The following ADAMTS14 variants were observed in gnomAD, a reference collection of about 807,000 sequenced individuals.
ADAMTS14 encodes ADAM metallopeptidase with thrombospondin type 1 motif 14.
In ADAMTS14, 100 loss-of-function variants were observed where a neutral mutation model predicts 128.6. The observed-to-expected ratio is 0.78, with a 90% confidence interval of 0.66 to 0.92. The LOEUF is 0.92. ADAMTS14 is among the 40% of genes least tolerant of loss of function. The pLI is 0.00. For missense variants in ADAMTS14, 1,562 were observed against 1,658.6 expected, an observed-to-expected ratio of 0.94 and a Z score of 1.01; for synonymous variants, 665 against 653.8, an observed-to-expected ratio of 1.02 and a Z score of -0.26.
At chr10:70,728,316 G>A (rs75958476) in intron 4 of ADAMTS14, among the ~76,000 whole-genome samples, 1,559 of 152,358 alleles carry the variant, frequency 0.01, 11 homozygotes, top group Non-Finnish European at 0.018. Flanking sequence ...GTGGCATGAT[G>A]CAGGTTAACT....
intron 3 of ADAMTS14, among the ~76,000 whole-genome samples, chr10:70,703,104 C>T (rs1840546231): frequency 6.6e-6 from 1 of 152,210 alleles, no homozygotes; most frequent in African/African-American, 2.4e-5. Context: ...TAAATGGCAG[C>T]TCTCCTTACA....
chr10:70,756,124 C>CAGTATGA (rs1368486484), intron 19 of ADAMTS14, among the ~76,000 whole-genome samples: 2 of 152,144 alleles, frequency 1.3e-5, no homozygotes, highest in Non-Finnish European at 2.9e-5. Flanking sequence ...AAAAGTACTT[C>CAGTATGA]AGTATGAAGT....
chr10:70,742,751 C>CT (rs1842040726), intron 12 of ADAMTS14, among the ~76,000 whole-genome samples: 1 of 152,300 alleles, frequency 6.6e-6, no homozygotes, highest in African/African-American at 2.4e-5. Context: ...CCCCAACTTC[C>CT]TTTTTTCTAA....
chr10:70,757,862 C>G (rs1427183435), intron 19 of ADAMTS14, 100 bp from the exon 20 acceptor site: 3 of 1,486,138 alleles, frequency 2.0e-6, no homozygotes, highest in East Asian at 4.6e-5. Context: ...CCTTTCTGTC[C>G]CCGGGCACTG....
rs1306324793 is a variant in ADAMTS14, at chr10:70,688,989, C to T, written c.523-13323C>T. 1.1e-4 allele frequency among the ~76,000 whole-genome samples: 12 copies of T among 105,968 alleles called. 2 individuals carry two copies. Among genetic ancestry groups the T allele is most frequent in the Admixed American group, 1.9e-4 (2 of 10,784 alleles). 69.5% of individuals were successfully genotyped at this position (105,968 alleles called of 152,430 possible). ...GCCACTTTCCCCTCCAAGCCACTCCCGTCCCCCAGGCAGAGGTTCACATCC... is the reference window on the plus strand; with the variant it reads ...GCCACTTTCCCCTCCAAGCCACTCCTGTCCCCCAGGCAGAGGTTCACATCC... On this transcript the variant is annotated intron_variant, in intron 2 of 21. Coordinates refer to ENST00000373207, the MANE Select transcript of ADAMTS14 (RefSeq NM_080722.4).
At chr10:70,734,134 C>G in intron 8 of ADAMTS14, 106 bp downstream of exon 8, 1 of 1,447,764 alleles carries the variant, frequency 6.9e-7, no homozygotes, top group Non-Finnish European at 9.3e-7. Context: ...CCTGGCTTGA[C>G]TCTTCCGTGA....
At chr10:70,749,496 G>C (rs891151390) in intron 15 of ADAMTS14, among the ~76,000 whole-genome samples, 5 of 152,186 alleles carry the variant, frequency 3.3e-5, no homozygotes, top group African/African-American at 1.2e-4. Flanking sequence ...ACTCCCTGGA[G>C]GAGAGGAGAT....
intron 2 of ADAMTS14, among the ~76,000 whole-genome samples, chr10:70,680,778 A>C (rs1316862595): frequency 6.6e-6 from 1 of 152,154 alleles, no homozygotes; most frequent in Non-Finnish European, 1.5e-5. Context: ...AGCATCTGGG[A>C]CTACAGGCGT....
chr10:70,673,110 GGAGCATC>G (rs1043652440), intron 1 of ADAMTS14, among the ~76,000 whole-genome samples: 2 of 152,162 alleles, frequency 1.3e-5, no homozygotes, highest in Non-Finnish European at 2.9e-5. Flanking sequence ...AGAGAATTTG[GGAGCATC>G]GAGTCTCTTC....
chr10:70,697,649 G>A (rs1377087546), intron 2 of ADAMTS14, among the ~76,000 whole-genome samples: 1 of 152,200 alleles, frequency 6.6e-6, no homozygotes, highest in African/African-American at 2.4e-5. Flanking sequence ...GTAGACAGCT[G>A]TGGGTGACCC....
At chr10:70,692,318 A>T (rs186482491) in intron 2 of ADAMTS14, among the ~76,000 whole-genome samples, 1 of 152,290 alleles carries the variant, frequency 6.6e-6, no homozygotes, top group Non-Finnish European at 1.5e-5. Context: ...ACCCGGCTCC[A>T]GGAGGGCCAT....
intron 4 of ADAMTS14, among the ~76,000 whole-genome samples, chr10:70,718,403 T>C (rs1280880085): frequency 6.6e-6 from 1 of 152,106 alleles, no homozygotes; most frequent in Admixed American, 6.5e-5. Flanking sequence ...TTATTTTATT[T>C]TTTTGAGACG....
chr10:70,713,252 C>T (rs948515177), intron 4 of ADAMTS14, among the ~76,000 whole-genome samples: 22 of 152,072 alleles, frequency 1.4e-4, no homozygotes, highest in African/African-American at 5.3e-4. Flanking sequence ...GGCTTCACTG[C>T]CAGCCTTGGC....
rs73278014 is a variant in ADAMTS14 at position 70,737,912 on chromosome 10, G to T, written c.1600-930G>T. ...GATAAAAATATTCTCAAATTGGATT[G>T]TGGTGACGATTGGACAACTTTGCGA... On this transcript the variant is annotated intron_variant, in intron 10 of 21. Transcript: ENST00000373207. Among the ~76,000 whole-genome samples, 1,038 of 152,282 alleles carry T rather than the reference G, an allele frequency of 6.8e-3. 12 individuals are homozygous for T. The highest frequency in any genetic ancestry group is 0.024 in the African/African-American group (993 of 41,544).
At chr10:70,743,749 C>T in intron 13 of ADAMTS14, 68 bp downstream of exon 13, 1 of 1,470,826 alleles carries the variant, frequency 6.8e-7, no homozygotes, top group Non-Finnish European at 9.0e-7. Flanking sequence ...GTAGCCCCTC[C>T]TGCCTGGGAA....
chr10:70,733,810 GGCCTGCCTGCCT>G lies in ADAMTS14; in HGVS notation c.1209-66_1209-55del. ...GGTCAGGTCAGGGTCTCCTGCTGCT[GGCCTGCCTGCCT>G]GCCTGCCTTCCCGGGGCAGGCTCCT... On this transcript the variant is annotated intron_variant, in intron 7 of 21. Coordinates refer to ENST00000373207, the MANE Select transcript of ADAMTS14 (RefSeq NM_080722.4). 2.6e-6 allele frequency: 4 copies of G among 1,544,732 alleles called. No homozygotes were observed. The African/African-American group carries it at 5.5e-5, about 21-fold the overall frequency.
In ADAMTS14 at chr10:70,692,361, C is replaced by T. The variant is rs367544815; in HGVS notation, c.523-9951C>T. Among the ~76,000 whole-genome samples the T allele has an allele frequency of 1.4e-4, 22 of 152,316 alleles. No individual in the cohort carries two copies. In the East Asian group the frequency reaches 4.3e-3, roughly 29 times the overall value. ...GCCTTATTTCATCTTCCCATCCACTCTTTGGTTTCAGATATGGAATCTGAG... is the reference window on the plus strand; with the variant it reads ...GCCTTATTTCATCTTCCCATCCACTTTTTGGTTTCAGATATGGAATCTGAG... On this transcript the variant is annotated intron_variant, in intron 2 of 21. Coordinates refer to ENST00000373207, the MANE Select transcript of ADAMTS14 (RefSeq NM_080722.4).
intron 16 of ADAMTS14, 148 bp downstream of exon 16, chr10:70,750,133 C>A: frequency 9.4e-7 from 1 of 1,062,822 alleles, no homozygotes; most frequent in South Asian, 1.7e-5. Flanking sequence ...GGGATTAGCT[C>A]CTCATTTGTG....
chr10:70,721,856 G>A (rs1360119743), intron 4 of ADAMTS14, among the ~76,000 whole-genome samples: 2 of 152,248 alleles, frequency 1.3e-5, no homozygotes, highest in East Asian at 3.8e-4. Context: ...CTGCCATCGA[G>A]AGCAGGGATG....
Sources: gnomAD v4.1 joint callset for allele counts (sites outside exome capture counted in the v4.1 genomes callset) on GRCh38, gnomAD v4.1.1 for gene constraint, MANE v1.5 for transcripts, NCBI Gene and HGNC (gene_info 2026-07-23, HGNC 2026-07-21) for gene names.